The following MICU1 variants were observed in gnomAD, a reference collection of about 807,000 sequenced individuals.
The protein encoded by MICU1 is calcium uptake protein 1, mitochondrial.
MICU1 carries 45 observed loss-of-function variants against 56.8 expected under a neutral mutation model. That is an observed-to-expected ratio of 0.79 (90% CI 0.62 to 1.02). The LOEUF (loss-of-function observed/expected upper bound fraction) is 1.02, where lower values mean the gene tolerates loss of function less well. Ranked by LOEUF, MICU1 falls within the 50% of genes least tolerant of loss-of-function variation. The pLI is 0.00. For missense variants in MICU1, 504 were observed against 587.1 expected (o/e 0.86, Z 1.46); for synonymous variants, 186 against 195.1 (o/e 0.95, Z 0.39).
intron 10 of MICU1, among the ~76,000 whole-genome samples, chr10:72,395,750 G>C (rs911873693): frequency 3.3e-5 from 5 of 152,222 alleles, no homozygotes; most frequent in African/African-American, 1.2e-4. Context: ...CATTGCTGAG[G>C]CTTGATTAGG....
At chr10:72,450,723 A>ATTTTTTTTTTTTTTTTTTTTTTTTTTTTT (rs1428279064) in intron 8 of MICU1, among the ~76,000 whole-genome samples, 1 of 140,050 alleles carries the variant, frequency 7.1e-6, no homozygotes, top group African/African-American at 2.6e-5. Context: ...TATTTTTTTA[A>ATTTTTTTTTTTTTTTTTTTTTTTTTTTTT]TTCTTTTTTT....
In MICU1 at chr10:72,615,495, C is replaced by G. The variant is rs577677013; in HGVS notation, c.-2+10515G>C. Among the ~76,000 whole-genome samples the G allele has an allele frequency of 7.1e-4, 108 of 152,186 alleles. 4 individuals are homozygous for G. The South Asian group carries it at 0.022, about 30-fold the overall frequency. ...TGGAAGTTACATCTAAAGGTTAGAT[C>G]ACAGTCAAATTAAGTATTTTTGGCA... On this transcript the variant is annotated intron_variant, in intron 1 of 11. Coordinates refer to ENST00000361114, the MANE Select transcript of MICU1 (RefSeq NM_001195518.2).
intron 4 of MICU1, among the ~76,000 whole-genome samples, chr10:72,535,131 G>GT (rs1352151220): frequency 6.6e-6 from 1 of 151,658 alleles, no homozygotes; most frequent in Non-Finnish European, 1.5e-5. Context: ...CTGGGTTCAA[G>GT]TGATTCTCCT....
intron 4 of MICU1, among the ~76,000 whole-genome samples, chr10:72,547,576 G>T (rs1006153367): frequency 6.7e-6 from 1 of 149,068 alleles, no homozygotes; most frequent in African/African-American, 2.5e-5. Context: ...ATAAAGAAAC[G>T]TACAAAGAAG....
intron 4 of MICU1, among the ~76,000 whole-genome samples, chr10:72,550,912 T>C (rs1422797411): frequency 6.6e-6 from 1 of 152,222 alleles, no homozygotes. Flanking sequence ...ATGTATTGCC[T>C]TCGAGAACAT....
intron 5 of MICU1, among the ~76,000 whole-genome samples, chr10:72,511,200 T>C (rs1257367033): frequency 1.3e-5 from 2 of 152,226 alleles, no homozygotes; most frequent in Admixed American, 1.3e-4. Context: ...CTGAACATAA[T>C]GTTTTTTAGG....
chr10:72,432,933 G>A (rs775060666), intron 8 of MICU1, among the ~76,000 whole-genome samples: 12 of 152,136 alleles, frequency 7.9e-5, no homozygotes, highest in Non-Finnish European at 1.3e-4. Context: ...AGGCAAATGC[G>A]TGGATCTTCT....
chr10:72,426,476 C>T (rs901703630), intron 8 of MICU1, among the ~76,000 whole-genome samples: 1 of 151,544 alleles, frequency 6.6e-6, no homozygotes, highest in Non-Finnish European at 1.5e-5. Flanking sequence ...TGGCTCACTG[C>T]AGCCACGACC....
chr10:72,466,605 C>T (rs2132249966), intron 8 of MICU1, among the ~76,000 whole-genome samples: 1 of 152,294 alleles, frequency 6.6e-6, no homozygotes, highest in East Asian at 1.9e-4. Context: ...AATCAAGAGT[C>T]AGGTCTCATC....
chr10:72,532,933 T>C, intron 5 of MICU1: 1 of 1,206,068 alleles, frequency 8.3e-7, no homozygotes, highest in South Asian at 1.6e-5. Context: ...GGCACATTTC[T>C]GCAAAATCAG....
intron 1 of MICU1, among the ~76,000 whole-genome samples, chr10:72,573,335 A>AAAAAAAG (rs1840662451): frequency 6.8e-6 from 1 of 147,984 alleles, no homozygotes; most frequent in Non-Finnish European, 1.5e-5. Flanking sequence ...AAAAAAAAAA[A>AAAAAAAG]CTAAGGCAAC....
intron 6 of MICU1, among the ~76,000 whole-genome samples, chr10:72,506,513 C>A (rs1211761864): frequency 6.6e-6 from 1 of 152,082 alleles, no homozygotes; most frequent in Non-Finnish European, 1.5e-5. Flanking sequence ...AAAATTCCCA[C>A]CAATTTGGGT....
At chr10:72,414,127 T>G (rs916362771) in intron 9 of MICU1, among the ~76,000 whole-genome samples, 2 of 152,174 alleles carry the variant, frequency 1.3e-5, no homozygotes, top group African/African-American at 4.8e-5. Flanking sequence ...CCTAGGAATC[T>G]TCAACAAAAA....
intron 4 of MICU1, among the ~76,000 whole-genome samples, chr10:72,548,978 T>A (rs536772192): frequency 2.0e-5 from 3 of 152,252 alleles, no homozygotes; most frequent in African/African-American, 7.2e-5. Context: ...ATTACAGACA[T>A]GAGCTACCGC....
At chr10:72,593,583 A>T (rs1364251982) in intron 1 of MICU1, among the ~76,000 whole-genome samples, 1 of 152,130 alleles carries the variant, frequency 6.6e-6, no homozygotes, top group Non-Finnish European at 1.5e-5. Context: ...TTATCAAATT[A>T]TCTCTTCACA....
intron 1 of MICU1, among the ~76,000 whole-genome samples, chr10:72,590,306 CA>C (rs1731111785): frequency 6.6e-6 from 1 of 151,664 alleles, no homozygotes; most frequent in South Asian, 2.1e-4. Context: ...TTACAAGAGA[CA>C]AAAAAGCACA....
intron 6 of MICU1, among the ~76,000 whole-genome samples, chr10:72,494,808 A>AT (rs924376072): frequency 3.3e-5 from 5 of 151,434 alleles, no homozygotes; most frequent in African/African-American, 7.3e-5. Context: ...TTTCATTTAC[A>AT]TTTTTTCCAA....
At position 72,509,398 on chromosome 10, in the gene MICU1, CTCTG is replaced by C. The variant is rs753078041; in HGVS notation, c.538-1133_538-1130del. ...GTTACACAACTATCCAATGGGTTAC[CTCTG>C]TCTAGTGGAGATCCCATCATAAACC... On this transcript the variant is annotated intron_variant, in intron 5 of 11. Coordinates refer to ENST00000361114, the MANE Select transcript of MICU1 (RefSeq NM_001195518.2). The C allele has an allele frequency of 3.4e-5, 46 of 1,334,532 alleles. No homozygotes were observed. Among genetic ancestry groups the C allele is most frequent in the Non-Finnish European group, 4.3e-5 (44 of 1,012,412 alleles). 82.7% of individuals were successfully genotyped at this position (1,334,532 alleles called of 1,614,324 possible).
intron 8 of MICU1, among the ~76,000 whole-genome samples, chr10:72,441,339 T>C (rs1864919509): frequency 1.4e-5 from 2 of 146,924 alleles, no homozygotes; most frequent in South Asian, 4.2e-4. Context: ...TTGTCACTCA[T>C]AGGTAGGAAC....
Sources: gnomAD v4.1 joint callset for allele counts (sites outside exome capture counted in the v4.1 genomes callset) on GRCh38, gnomAD v4.1.1 for gene constraint, MANE v1.5 for transcripts, NCBI Gene and HGNC (gene_info 2026-07-23, HGNC 2026-07-21) for gene names.